The following STAT4 variants were observed in gnomAD, a reference collection of about 807,000 sequenced individuals.
The protein encoded by STAT4 is signal transducer and activator of transcription 4.
STAT4 carries 42 observed loss-of-function variants against 110.5 expected under a neutral mutation model. That is an observed-to-expected ratio of 0.38 (90% CI 0.30 to 0.49). STAT4 has a LOEUF of 0.49. Ranked by LOEUF, STAT4 falls within the 20% of genes least tolerant of loss-of-function variation. The pLI is 0.95. For missense variants in STAT4, 632 were observed against 887.9 expected (o/e 0.71, Z 3.66); for synonymous variants, 284 against 302.2 (o/e 0.94, Z 0.63).
chr2:191,035,472 C>T lies in STAT4; in HGVS notation c.1570+692G>A, dbSNP rs1230800290. ...TCTTTGGCCCTAATTTAACTAGAAA[C>T]GCATATAGATCTAATTTTAACTCTT... On this transcript the variant is annotated intron_variant, in intron 17 of 23. Coordinates refer to ENST00000392320, the MANE Select transcript of STAT4 (RefSeq NM_003151.4). The surrounding 1 kb of genome is among the most constrained non-coding windows in gnomAD (Gnocchi z 4.7). Among the ~76,000 whole-genome samples, 2 of 152,162 alleles carry T rather than the reference C, an allele frequency of 1.3e-5. No individual in the cohort carries two copies. The highest frequency in any genetic ancestry group is 6.5e-5 in the Admixed American group (1 of 15,280).
chr2:191,064,356 A>G (rs1334379723), intron 8 of STAT4, among the ~76,000 whole-genome samples: 2 of 152,200 alleles, frequency 1.3e-5, no homozygotes, highest in South Asian at 2.1e-4. Flanking sequence ...ATGATGTACA[A>G]TGGATCTCTT....
Position 191,148,183 on chromosome 2 carries a change from G to T in STAT4, c.21C>A (p.Val7=). The change falls in exon 2 of 24, where the codon GTC becomes GTA. Residue 7 remains valine (V), a synonymous_variant. Coordinates refer to ENST00000392320, the MANE Select transcript of STAT4 (RefSeq NM_003151.4). ...CCAAAAACTTGATTTCTAACTGTTG[G>T]ACTTGATTCCACTGAGACATGCTAT... MSQWNQ[V]QQLEIKFLEQ... 6.2e-7 allele frequency: 1 copy of T among 1,613,692 alleles called. No homozygotes were observed. Among genetic ancestry groups the T allele is most frequent in the South Asian group, 1.1e-5 (1 of 91,044 alleles).
chr2:191,148,064 G>A lies in STAT4; in HGVS notation c.128+12C>T. The A allele has an allele frequency of 6.2e-7, 1 of 1,613,264 alleles. No homozygotes were observed. The highest frequency in any genetic ancestry group is 1.1e-5 in the South Asian group (1 of 90,998). ...GTGCATCAACTTCTAGGGAAAATAT[G>A]TTTGATCCTACCAGTCTTGATTTTC... On this transcript the variant is annotated intron_variant, in intron 2 of 23. Transcript: ENST00000392320.
Position 191,062,199 on chromosome 2 carries a change from G to T in STAT4, c.942-378C>A, listed in dbSNP as rs942497945. On this transcript the variant is annotated intron_variant, in intron 9 of 23. Coordinates refer to ENST00000392320, the MANE Select transcript of STAT4 (RefSeq NM_003151.4). The surrounding 1 kb of genome is among the most constrained non-coding windows in gnomAD (Gnocchi z 4.9). Reference sequence around the variant, plus strand: ...CCTCCTGAGTATCTAGGACTATAGGGATGTGCCACCATGCCTGGATACATT... The same window carrying T: ...CCTCCTGAGTATCTAGGACTATAGGTATGTGCCACCATGCCTGGATACATT... Among the ~76,000 whole-genome samples, 1 of 151,992 alleles carries T rather than the reference G, an allele frequency of 6.6e-6. No individual in the cohort carries two copies.
chr2:191,130,023 A>T (rs938347687), intron 3 of STAT4, among the ~76,000 whole-genome samples: 2 of 152,056 alleles, frequency 1.3e-5, no homozygotes, highest in African/African-American at 4.8e-5. Context: ...TTTCTGTGCT[A>T]ATTAATTTCA....
chr2:191,146,060 G>C lies in STAT4; in HGVS notation c.273+553C>G, dbSNP rs951779555. 6.6e-6 allele frequency among the ~76,000 whole-genome samples: 1 copy of C among 152,164 alleles called. No homozygotes were observed. Among genetic ancestry groups the C allele is most frequent in the Non-Finnish European group, 1.5e-5 (1 of 68,028 alleles). On this transcript the variant is annotated intron_variant, in intron 3 of 23. Coordinates refer to ENST00000392320, the MANE Select transcript of STAT4 (RefSeq NM_003151.4). This position sits in a 1 kb window ranked among gnomAD's most constrained non-coding sequence, Gnocchi z 4.5. ...GATAGGGAGAGAAGTCAAACACATA[G>C]AAATAGCAATAATGTCGAATATACT...
intron 3 of STAT4, among the ~76,000 whole-genome samples, chr2:191,137,023 GA>G (rs34403636): frequency 0.56 from 85,055 of 151,268 alleles, 24,755 homozygotes; most frequent in Admixed American, 0.64. Context: ...TCTCTACAAG[GA>G]AAACTACAAA....
In STAT4 at chr2:191,146,464, A is replaced by C; in HGVS notation, c.273+149T>G. 1.5e-6 allele frequency: 1 copy of C among 663,368 alleles called. No individual in the cohort carries two copies. The highest frequency in any genetic ancestry group is 2.2e-6 in the Non-Finnish European group (1 of 454,724). The allele number at this position is 663,368 out of a possible 1,614,324, so 41.1% of individuals were successfully genotyped here. ...CATTTCATGAAAAATGTTAGGTAAT[A>C]AAATTGAGCACAAAATTTGTAAGTG... is the stretch of plus-strand genomic sequence containing the variant. On this transcript the variant is annotated intron_variant, in intron 3 of 23. Coordinates refer to ENST00000392320, the MANE Select transcript of STAT4 (RefSeq NM_003151.4). The surrounding 1 kb of genome is among the most constrained non-coding windows in gnomAD (Gnocchi z 4.5).
chr2:191,150,683 C>T lies in STAT4; in HGVS notation c.-2+264G>A, dbSNP rs779013802. ...CTCCGCGAGGACACACCTCCGCAGCCGCCGCAGCTCCCCTGGCCCCCGCAG... is the reference window on the plus strand; with the variant it reads ...CTCCGCGAGGACACACCTCCGCAGCTGCCGCAGCTCCCCTGGCCCCCGCAG... On this transcript the variant is annotated intron_variant, in intron 1 of 23. Coordinates refer to ENST00000392320, the MANE Select transcript of STAT4 (RefSeq NM_003151.4). The surrounding 1 kb of genome is among the most constrained non-coding windows in gnomAD (Gnocchi z 6.4). Among the ~76,000 whole-genome samples, 2 of 152,198 alleles carry T rather than the reference C, an allele frequency of 1.3e-5. No homozygotes were observed. Among genetic ancestry groups the T allele is most frequent in the Non-Finnish European group, 2.9e-5 (2 of 68,028 alleles).
Position 191,090,663 on chromosome 2 carries a change from C to T in STAT4, c.274-14338G>A, listed in dbSNP as rs1366582835. 6.6e-6 allele frequency among the ~76,000 whole-genome samples: 1 copy of T among 152,122 alleles called. No individual in the cohort carries two copies. The highest frequency in any genetic ancestry group is 6.5e-5 in the Admixed American group (1 of 15,268). The stretch of plus-strand genomic sequence containing the variant: ...GCAACCTCTGCCTCCTGAGTTCATG[C>T]CATTCTCCTGCCTCAGCCTCCCGAG... On this transcript the variant is annotated intron_variant, in intron 3 of 23. Transcript: ENST00000392320. This position sits in a 1 kb window ranked among gnomAD's most constrained non-coding sequence, Gnocchi z 4.2.
At position 191,030,992 on chromosome 2, in the gene STAT4, G is replaced by C; in HGVS notation, c.2200C>G (p.Pro734Ala). ...VYAVLRENLS[P>A]TTIETAMKSP... Reference sequence around the variant, plus strand: ...CATACTGCAGTTTCAATTGTTGTGGGACTCAGGTTTTCTCTCAACACCGCA... The same window carrying C: ...CATACTGCAGTTTCAATTGTTGTGGCACTCAGGTTTTCTCTCAACACCGCA... The change falls in exon 23 of 24, where the codon CCC (proline) becomes GCC (alanine). Residue 734 changes from proline (P) to alanine (A), a missense_variant. Pro to Ala is a conservative substitution (Grantham distance 27). Around this residue, in one of 4 missense-constraint regions of STAT4, gnomAD observed 32 missense variants for 67.6 expected, o/e 0.47. Transcript: ENST00000392320. This position sits in a 1 kb window ranked among gnomAD's most constrained non-coding sequence, Gnocchi z 4.4. The C allele has an allele frequency of 6.2e-7, 1 of 1,613,880 alleles. No homozygotes were observed. Among genetic ancestry groups the C allele is most frequent in the Non-Finnish European group, 8.5e-7 (1 of 1,179,804 alleles).
intron 3 of STAT4, among the ~76,000 whole-genome samples, chr2:191,102,009 CT>C (rs35442023): frequency 2.7e-3 from 375 of 140,938 alleles, no homozygotes; most frequent in Middle Eastern, 7.1e-3. Context: ...TTTGCCCAAC[CT>C]TTTTTTTTTT....
intron 3 of STAT4, among the ~76,000 whole-genome samples, chr2:191,124,348 G>T (rs1461876452): frequency 6.6e-6 from 1 of 151,462 alleles, no homozygotes; most frequent in Non-Finnish European, 1.5e-5. Context: ...CCAGCTACTC[G>T]GGAGGCTGAG....
chr2:191,087,406 G>T (rs979237156), intron 3 of STAT4, among the ~76,000 whole-genome samples: 56 of 152,116 alleles, frequency 3.7e-4, no homozygotes, highest in African/African-American at 1.4e-3. Context: ...TAAAATGGTT[G>T]CAGCTTGGCC....
In STAT4 at chr2:191,148,070, T is replaced by A; in HGVS notation, c.128+6A>T. On this transcript the variant is annotated splice_donor_region_variant and intron_variant, in intron 2 of 23. Transcript: ENST00000392320. Reference sequence around the variant, plus strand: ...CAACTTCTAGGGAAAATATGTTTGATCCTACCAGTCTTGATTTTCAATCCA... The same window carrying A: ...CAACTTCTAGGGAAAATATGTTTGAACCTACCAGTCTTGATTTTCAATCCA... 6.2e-7 allele frequency: 1 copy of A among 1,613,566 alleles called. No individual in the cohort carries two copies. Among genetic ancestry groups the A allele is most frequent in the Non-Finnish European group, 8.5e-7 (1 of 1,179,652 alleles).
At chr2:191,111,045 C>A (rs1177630241) in intron 3 of STAT4, among the ~76,000 whole-genome samples, 1 of 152,122 alleles carries the variant, frequency 6.6e-6, no homozygotes, top group African/African-American at 2.4e-5. Flanking sequence ...TTCGGCCTCC[C>A]AAAGTGCTAG....
intron 13 of STAT4, among the ~76,000 whole-genome samples, chr2:191,057,749 C>A (rs995959121): frequency 2.0e-5 from 3 of 151,822 alleles, no homozygotes; most frequent in African/African-American, 7.3e-5. Flanking sequence ...CAGGCGCCTG[C>A]CACCATGCCT....
intron 5 of STAT4, among the ~76,000 whole-genome samples, chr2:191,071,649 C>A (rs1697156931): frequency 6.6e-6 from 1 of 152,190 alleles, no homozygotes; most frequent in African/African-American, 2.4e-5. Flanking sequence ...TCTTCAAAAG[C>A]TCTCTGAATG....
chr2:191,070,646 A>C (rs1185570147), intron 5 of STAT4, among the ~76,000 whole-genome samples: 1 of 152,226 alleles, frequency 6.6e-6, no homozygotes, highest in African/African-American at 2.4e-5. Flanking sequence ...TCTCTAAGGA[A>C]ACATATATCT....
Sources: gnomAD v4.1 joint callset for allele counts (sites outside exome capture counted in the v4.1 genomes callset) on GRCh38, gnomAD v4.1.1 for gene constraint, gnomAD v4.1.1 regional missense constraint, Gnocchi (gnomAD v3.1) non-coding constraint, MANE v1.5 for transcripts, NCBI Gene and HGNC (gene_info 2026-07-23, HGNC 2026-07-21) for gene names.